Variants in PLAUR observed in about 807,000 individuals in gnomAD.
PLAUR encodes urokinase plasminogen activator surface receptor.
Under a neutral mutation model 33.4 loss-of-function variants are expected in PLAUR, and 22 were observed. The ratio of observed to expected loss-of-function variants is 0.66; its 90% CI spans 0.47 to 0.94. The LOEUF (loss-of-function observed/expected upper bound fraction) is 0.94, where lower values mean the gene tolerates loss of function less well. PLAUR is among the 40% of genes least tolerant of loss of function. The pLI, the probability that PLAUR is intolerant of heterozygous loss-of-function variation, is 0.00. For synonymous variants in PLAUR, 148 were observed against 167.3 expected (o/e 0.88, Z 0.89); for missense variants, 408 against 434.7 (o/e 0.94, Z 0.55).
At chr19:43,646,243 A>C (rs1291106046), downstream of PLAUR, 1 of 503,592 alleles carries the variant, frequency 2.0e-6, no homozygotes, top group Non-Finnish European at 3.6e-6. Context: ...CTGTCCTTCC[A>C]TGATGTTTTG....
At chr19:43,654,699 A>C (rs922010621) in intron 5 of PLAUR, among the ~76,000 whole-genome samples, 11 of 151,956 alleles carry the variant, frequency 7.2e-5, no homozygotes, top group African/African-American at 2.7e-4. Context: ...ATGCCAGTGC[A>C]CTCCAGCCTG....
intron 1 of PLAUR, chr19:43,668,215 A>G: frequency 2.0e-6 from 2 of 986,828 alleles, no homozygotes; most frequent in Non-Finnish European, 2.4e-6. Context: ...CCGGCCCACT[A>G]ATTTATTCCC....
At chr19:43,666,271 G>A (rs1005798456) in intron 2 of PLAUR, among the ~76,000 whole-genome samples, 3 of 151,906 alleles carry the variant, frequency 2.0e-5, no homozygotes, top group Non-Finnish European at 2.9e-5. Context: ...TATAAAAAAC[G>A]TATCATATTC....
intron 3 of PLAUR, among the ~76,000 whole-genome samples, chr19:43,662,273 G>A (rs1247258153): frequency 2.0e-5 from 3 of 152,118 alleles, no homozygotes; most frequent in South Asian, 2.1e-4. Context: ...CGAGGTGGGT[G>A]GATCACGAGG....
intron 3 of PLAUR, among the ~76,000 whole-genome samples, chr19:43,662,226 G>A (rs1021987822): frequency 1.1e-4 from 17 of 151,998 alleles, no homozygotes; most frequent in African/African-American, 2.7e-4. Context: ...GGCCGGGCGC[G>A]GTGGCTCACG....
At chr19:43,658,515 A>G (rs957933047) in intron 3 of PLAUR, among the ~76,000 whole-genome samples, 4 of 152,220 alleles carry the variant, frequency 2.6e-5, no homozygotes, top group African/African-American at 9.6e-5. Flanking sequence ...CCCAGGGATC[A>G]AAGACTCACT....
intron 1 of PLAUR, among the ~76,000 whole-genome samples, chr19:43,668,801 G>T (rs545066877): frequency 6.6e-6 from 1 of 151,456 alleles, no homozygotes; most frequent in Non-Finnish European, 1.5e-5. Context: ...ACGCCTCGAG[G>T]TTATAACCCC....
chr19:43,670,149 T>C lies in PLAUR; in HGVS notation c.-29A>G, dbSNP rs1967466646. The C allele has an allele frequency of 1.2e-6, 2 of 1,603,426 alleles. No homozygotes were observed. Among genetic ancestry groups the C allele is most frequent in the Non-Finnish European group, 1.7e-6 (2 of 1,175,544 alleles). Reference sequence around the variant, plus strand: ...GCGAGGGCAGCTCCTGTGCGCGGGGTCCCTGCACGTCTTCTCTCCTTCTGG... The same window carrying C: ...GCGAGGGCAGCTCCTGTGCGCGGGGCCCCTGCACGTCTTCTCTCCTTCTGG... On this transcript the variant is annotated 5_prime_UTR_variant, in exon 1 of 7. Coordinates refer to ENST00000340093, the MANE Select transcript of PLAUR (RefSeq NM_002659.4).
intron 3 of PLAUR, chr19:43,660,736 C>G (rs1255412509): frequency 1.3e-5 from 2 of 151,902 alleles, no homozygotes; most frequent in Non-Finnish European, 2.9e-5. Flanking sequence ...AGAAATCCTT[C>G]CAAGTAGTTG....
intron 3 of PLAUR, among the ~76,000 whole-genome samples, chr19:43,662,960 G>C (rs1415250996): frequency 1.3e-5 from 2 of 152,056 alleles, no homozygotes; most frequent in Non-Finnish European, 2.9e-5. Flanking sequence ...CAAAGTGTTG[G>C]GATTACAGGC....
Position 43,648,975 on chromosome 19 carries a change from G to A in PLAUR, c.923C>T (p.Pro308Leu), listed in dbSNP as rs757419637. 1 of 1,614,170 alleles carries A rather than the reference G, an allele frequency of 6.2e-7. No homozygotes were observed. Among genetic ancestry groups the A allele is most frequent in the East Asian group, 2.2e-5 (1 of 44,878 alleles). The part of the protein sequence containing the change: ...LDVQYRSGAA[P>L]QPGPAHLSLT... ...GCTGAGATGGGCAGGGCCAGGCTGAGGAGCAGCCCCACTGCGGTACTGGAC... is the reference window on the plus strand; with the variant it reads ...GCTGAGATGGGCAGGGCCAGGCTGAAGAGCAGCCCCACTGCGGTACTGGAC... The change falls in exon 7 of 7, where the codon CCT (proline) becomes CTT (leucine). Residue 308 changes from proline to leucine, a missense_variant. Transcript: ENST00000340093.
downstream of PLAUR, among the ~76,000 whole-genome samples, chr19:43,648,068 G>A (rs967136189): frequency 6.6e-6 from 1 of 152,086 alleles, no homozygotes; most frequent in South Asian, 2.1e-4. Context: ...TCGGAAGGGA[G>A]GCTATCTGGG....
At chr19:43,660,702 T>C (rs539749808) in intron 3 of PLAUR, 1 of 152,018 alleles carries the variant, frequency 6.6e-6, no homozygotes, top group South Asian at 2.1e-4. Context: ...TATAGCACAC[T>C]ACAGCCCAGA....
chr19:43,669,524 C>T (rs1335193950), intron 1 of PLAUR, among the ~76,000 whole-genome samples: 1 of 152,086 alleles, frequency 6.6e-6, no homozygotes, highest in African/African-American at 2.4e-5. Context: ...AAAAAAAGAA[C>T]ACTTGGGCCG....
chr19:43,665,117 T>C lies in PLAUR; in HGVS notation c.310+199A>G, dbSNP rs1967169956. On this transcript the variant is annotated intron_variant, in intron 3 of 6. Transcript: ENST00000340093. Reference sequence around the variant, plus strand: ...GTTGGGCATAGGATTGGAGGTGAAGTTGAGTTGGGGTTGGATATGGGGTCA... The same window carrying C: ...GTTGGGCATAGGATTGGAGGTGAAGCTGAGTTGGGGTTGGATATGGGGTCA... 5 of 595,344 alleles carry C rather than the reference T, an allele frequency of 8.4e-6. No homozygotes were observed. In the South Asian group the frequency reaches 9.8e-5, roughly 12 times the overall value. 36.9% of individuals were successfully genotyped at this position (595,344 alleles called of 1,614,324 possible).
chr19:43,662,663 A>G (rs1383514853), intron 3 of PLAUR, among the ~76,000 whole-genome samples: 1 of 150,454 alleles, frequency 6.6e-6, no homozygotes, highest in Non-Finnish European at 1.5e-5. Context: ...GTCCAGCCAC[A>G]CTGCTTTTGG....
chr19:43,664,369 G>A (rs1007107609), intron 3 of PLAUR, among the ~76,000 whole-genome samples: 6 of 152,118 alleles, frequency 3.9e-5, no homozygotes, highest in South Asian at 2.1e-4. Context: ...TCTCTTTCAC[G>A]GATGGATCCA....
chr19:43,655,347 G>T lies in PLAUR; in HGVS notation c.607+92C>A. The T allele has an allele frequency of 1.6e-6, 2 of 1,246,998 alleles. 1 individual carries two copies. The highest frequency in any genetic ancestry group is 2.8e-5 in the South Asian group (2 of 70,512). The allele number at this position is 1,246,998 out of a possible 1,614,324, so 77.2% of individuals were successfully genotyped here. On this transcript the variant is annotated intron_variant, in intron 5 of 6. Coordinates refer to ENST00000340093, the MANE Select transcript of PLAUR (RefSeq NM_002659.4). ...GAAAAGCAAACAGAGGCCCAGAGAG[G>T]ACTTGATTGCCAGAGAGTGACTGCG...
intron 1 of PLAUR, chr19:43,667,935 G>C (rs1967332807): frequency 7.3e-7 from 1 of 1,361,850 alleles, no homozygotes; most frequent in South Asian, 1.6e-5. Context: ...GTCCTGCCTT[G>C]GCCCGTTTTT....
Sources: gnomAD v4.1 joint callset for allele counts (sites outside exome capture counted in the v4.1 genomes callset) on GRCh38, gnomAD v4.1.1 for gene constraint, MANE v1.5 for transcripts, NCBI Gene and HGNC (gene_info 2026-07-23, HGNC 2026-07-21) for gene names.